The following HCN1 variants were observed in gnomAD, a reference collection of about 807,000 sequenced individuals.
HCN1 encodes potassium/sodium hyperpolarization-activated cyclic nucleotide-gated channel 1.
HCN1 carries 13 observed loss-of-function variants against 78.9 expected under a neutral mutation model. The observed-to-expected ratio is 0.16, with a 90% CI of 0.11 to 0.26. The LOEUF is 0.26. Ranked by LOEUF, HCN1 falls within the 10% of genes least tolerant of loss-of-function variation. The pLI is 1.00. For missense variants in HCN1, 810 were observed against 1,154.3 expected (o/e 0.70, Z 4.32); for synonymous variants, 552 against 455.5 (o/e 1.21, Z -2.70).
chr5:45,671,538 C>CA (rs1246545490), intron 1 of HCN1, among the ~76,000 whole-genome samples: 1 of 151,270 alleles, frequency 6.6e-6, no homozygotes, highest in Non-Finnish European at 1.5e-5. Context: ...TACATGGTTA[C>CA]ATATAGTTGC....
intron 4 of HCN1, among the ~76,000 whole-genome samples, chr5:45,368,248 T>C (rs887959714): frequency 6.6e-6 from 1 of 152,074 alleles, no homozygotes; most frequent in Non-Finnish European, 1.5e-5. Flanking sequence ...TTTGATCTTT[T>C]CTTCTATTTT....
intron 2 of HCN1, among the ~76,000 whole-genome samples, chr5:45,554,924 A>C (rs966409215): frequency 6.6e-5 from 10 of 151,866 alleles, no homozygotes; most frequent in Non-Finnish European, 1.5e-4. Flanking sequence ...GAGCTCAGGC[A>C]TAAAATGTAA....
intron 2 of HCN1, among the ~76,000 whole-genome samples, chr5:45,492,073 T>C (rs1005903033): frequency 6.6e-6 from 1 of 152,106 alleles, no homozygotes; most frequent in Non-Finnish European, 1.5e-5. Flanking sequence ...ACCTTTATCA[T>C]GCTTCACAAG....
At chr5:45,318,091 T>C (rs1196012894) in intron 5 of HCN1, among the ~76,000 whole-genome samples, 1 of 152,138 alleles carries the variant, frequency 6.6e-6, no homozygotes. Context: ...TTATAAATCA[T>C]GCAGCTATAA....
At chr5:45,581,669 C>G (rs1004529626) in intron 2 of HCN1, among the ~76,000 whole-genome samples, 6 of 152,156 alleles carry the variant, frequency 3.9e-5, no homozygotes, top group African/African-American at 1.4e-4. Context: ...ACATTTAAGT[C>G]TTTAATCCAT....
intron 2 of HCN1, among the ~76,000 whole-genome samples, chr5:45,493,965 G>A (rs925156813): frequency 6.6e-6 from 1 of 152,184 alleles, no homozygotes; most frequent in Non-Finnish European, 1.5e-5. Flanking sequence ...ATTCCATGGT[G>A]TATATGTTTC....
chr5:45,693,596 C>T (rs1739953998), intron 1 of HCN1, among the ~76,000 whole-genome samples: 1 of 151,976 alleles, frequency 6.6e-6, no homozygotes, highest in Non-Finnish European at 1.5e-5. Flanking sequence ...TGTTCAGTAA[C>T]AATGTTTTTA....
At chr5:45,288,648 T>C (rs754285262) in intron 6 of HCN1, among the ~76,000 whole-genome samples, 36 of 152,028 alleles carry the variant, frequency 2.4e-4, no homozygotes, top group Non-Finnish European at 4.0e-4. Flanking sequence ...ATATATAATT[T>C]AGTAAATTAA....
At chr5:45,309,859 T>G (rs2111914644) in intron 5 of HCN1, among the ~76,000 whole-genome samples, 1 of 152,262 alleles carries the variant, frequency 6.6e-6, no homozygotes, top group Non-Finnish European at 1.5e-5. Flanking sequence ...AGGTTTGGTA[T>G]CAGGATGATG....
At chr5:45,325,898 A>G (rs779378986) in intron 5 of HCN1, among the ~76,000 whole-genome samples, 16 of 151,618 alleles carry the variant, frequency 1.1e-4, no homozygotes, top group Non-Finnish European at 2.4e-4. Flanking sequence ...CCTGAATAAT[A>G]AGAGTGTCAA....
chr5:45,442,604 T>TAAAAAAACAATAAAAC lies in HCN1; in HGVS notation c.1011+19241_1011+19242insGTTTTATTGTTTTTTT, dbSNP rs1452069450. 5.7e-3 allele frequency among the ~76,000 whole-genome samples: 866 copies of TAAAAAAACAATAAAAC among 152,132 alleles called. 7 individuals are homozygous for TAAAAAAACAATAAAAC. The highest frequency in any genetic ancestry group is 0.01 in the Middle Eastern group (3 of 292). On this transcript the variant is annotated intron_variant, in intron 3 of 7. Transcript: ENST00000303230. Reference sequence around the variant, plus strand: ...GTATATATATGTAAGGTAGTTACCATATATAAAATATAATGGCATTTACAA... The same window carrying TAAAAAAACAATAAAAC: ...GTATATATATGTAAGGTAGTTACCATAAAAAAACAATAAAACATATAAAATATAATGGCATTTACAA...
chr5:45,407,766 T>A (rs1739953648), intron 3 of HCN1, among the ~76,000 whole-genome samples: 1 of 152,086 alleles, frequency 6.6e-6, no homozygotes, highest in Non-Finnish European at 1.5e-5. Flanking sequence ...TGCCTCAGCC[T>A]CCTAAAGTGC....
At position 45,481,247 on chromosome 5, in the gene HCN1, T is replaced by C. The variant is rs148788916; in HGVS notation, c.850-19240A>G. Among the ~76,000 whole-genome samples, 3 of 152,346 alleles carry C rather than the reference T, an allele frequency of 2.0e-5. No homozygotes were observed. The East Asian group carries it at 5.8e-4, about 29-fold the overall frequency. On this transcript the variant is annotated intron_variant, in intron 2 of 7. Coordinates refer to ENST00000303230, the MANE Select transcript of HCN1 (RefSeq NM_021072.4). The stretch of plus-strand genomic sequence containing the variant: ...AGAATTTGGCATCAATGGCTGCTGA[T>C]ATCTCTCATGAACACCAACAAGGAT...
chr5:45,372,183 AT>A (rs1561128057), intron 4 of HCN1, among the ~76,000 whole-genome samples: 1 of 62,756 alleles, frequency 1.6e-5, no homozygotes, highest in East Asian at 6.4e-4. Flanking sequence ...ATATTATAAT[AT>A]AATACAATTA....
At chr5:45,294,243 C>T (rs776131527) in intron 6 of HCN1, among the ~76,000 whole-genome samples, 2 of 151,884 alleles carry the variant, frequency 1.3e-5, no homozygotes, top group African/African-American at 4.8e-5. Context: ...TTTTTCGAAT[C>T]GGTGTCTCTA....
chr5:45,347,469 C>T (rs1746769907), intron 5 of HCN1, among the ~76,000 whole-genome samples: 2 of 152,144 alleles, frequency 1.3e-5, no homozygotes, highest in Non-Finnish European at 2.9e-5. Flanking sequence ...TCTCCTCCTC[C>T]AAAGGAACGC....
chr5:45,553,284 C>G (rs1393222562), intron 2 of HCN1, among the ~76,000 whole-genome samples: 1 of 151,824 alleles, frequency 6.6e-6, no homozygotes, highest in African/African-American at 2.4e-5. Context: ...AAATCATTTA[C>G]CGTCCCCTAG....
intron 2 of HCN1, among the ~76,000 whole-genome samples, chr5:45,626,856 TA>T (rs1321023696): frequency 6.6e-6 from 1 of 151,416 alleles, no homozygotes; most frequent in African/African-American, 2.4e-5. Context: ...AAAATAAAAA[TA>T]AAAAAACCTC....
intron 2 of HCN1, among the ~76,000 whole-genome samples, chr5:45,492,548 C>T (rs1741910409): frequency 7.8e-6 from 1 of 127,498 alleles, no homozygotes; most frequent in Non-Finnish European, 1.6e-5. Flanking sequence ...GAGACAAGAG[C>T]CTTGCTCTGT....
Sources: allele counts gnomAD v4.1 joint callset (sites outside exome capture counted in the v4.1 genomes callset), GRCh38; gene constraint gnomAD v4.1.1; transcripts MANE v1.5; gene names NCBI Gene and HGNC (gene_info 2026-07-23, HGNC 2026-07-21).